Variants in RAVER1 observed in about 807,000 individuals in gnomAD.
RAVER1 encodes ribonucleoprotein PTB-binding 1.
Under a neutral mutation model 68.4 loss-of-function variants are expected in RAVER1, and 36 were observed. The observed-to-expected ratio is 0.53, with a 90% CI of 0.40 to 0.70. RAVER1 has a LOEUF of 0.70. Among genes scored for constraint, RAVER1 ranks in the 30% least tolerant of loss-of-function variants. The probability of loss-of-function intolerance (pLI) is 0.00; values close to 1 mark genes in which losing one functional copy is unlikely to be tolerated. For synonymous variants in RAVER1, 469 were observed against 472.7 expected (o/e 0.99, Z 0.10); for missense variants, 933 against 1,019.8 (o/e 0.91, Z 1.16).
rs771138642 is a variant in RAVER1, at chr19:10,330,550, C to T, written c.220-24G>A. On this transcript the variant is annotated intron_variant, in intron 1 of 12. Coordinates refer to ENST00000617231, the MANE Select transcript of RAVER1 (RefSeq NM_133452.3). ...TCCTGTGGAGATACAAGACAAAAGACAGGGAGTTACTGGAGATGGAAGGGG... is the reference window on the plus strand; with the variant it reads ...TCCTGTGGAGATACAAGACAAAAGATAGGGAGTTACTGGAGATGGAAGGGG... 93 of 1,230,464 alleles carry T rather than the reference C, an allele frequency of 7.6e-5. 1 individual carries two copies. In the East Asian group the frequency reaches 2.1e-3, roughly 28 times the overall value. 76.2% of individuals were successfully genotyped at this position (1,230,464 alleles called of 1,614,324 possible).
chr19:10,320,634 G>C (rs909846262), intron 9 of RAVER1, 21 bp downstream of exon 9: 2 of 1,541,364 alleles, frequency 1.3e-6, no homozygotes, highest in African/African-American at 2.8e-5. Context: ...AGGGGACAGA[G>C]AGCTGCAGCC....
chr19:10,329,404 C>T lies in RAVER1; in HGVS notation c.287-293G>A, dbSNP rs777548810. 6.6e-6 allele frequency among the ~76,000 whole-genome samples: 1 copy of T among 152,250 alleles called. No homozygotes were observed. The highest frequency in any genetic ancestry group is 1.5e-5 in the Non-Finnish European group (1 of 68,042). ...AACGCTGTGGGTCACTCGGGTGATACCAAGGGCAGTGGTTAAGCCCATGCT... is the reference window on the plus strand; with the variant it reads ...AACGCTGTGGGTCACTCGGGTGATATCAAGGGCAGTGGTTAAGCCCATGCT... On this transcript the variant is annotated intron_variant, in intron 2 of 12. Transcript: ENST00000617231. The surrounding 1 kb of genome is among the most constrained non-coding windows in gnomAD (Gnocchi z 4.6).
chr19:10,330,861 C>G (rs1051520734), intron 1 of RAVER1, among the ~76,000 whole-genome samples: 1 of 150,502 alleles, frequency 6.6e-6, no homozygotes, highest in Non-Finnish European at 1.5e-5. Flanking sequence ...GTCAGGAGTT[C>G]GAGACCAGCC....
intron 7 of RAVER1, 65 bp from the exon 8 acceptor site, chr19:10,321,324 G>T: frequency 1.1e-6 from 1 of 888,284 alleles, no homozygotes; most frequent in Non-Finnish European, 1.5e-6. Context: ...GGGCCCTCCA[G>T]CTCCCACCTG....
Position 10,322,364 on chromosome 19 carries a change from G to A in RAVER1, c.1173+281C>T. 2.3e-6 allele frequency: 1 copy of A among 427,548 alleles called. No individual in the cohort carries two copies. The highest frequency in any genetic ancestry group is 4.1e-6 in the Non-Finnish European group (1 of 242,046). The allele number at this position is 427,548 out of a possible 1,614,324, so 26.5% of individuals were successfully genotyped here. On this transcript the variant is annotated intron_variant, in intron 6 of 12. Coordinates refer to ENST00000617231, the MANE Select transcript of RAVER1 (RefSeq NM_133452.3). This position sits in a 1 kb window ranked among gnomAD's most constrained non-coding sequence, Gnocchi z 4.3. ...GCTCCCAGCCCACACCCAGTTTCAG[G>A]CTGTAAATGGGCGTGTCCAGGTCCC... is the stretch of plus-strand genomic sequence containing the variant.
In RAVER1 at chr19:10,316,226, T is replaced by C. The variant is rs2145060375; in HGVS notation, c.*1228A>G. The C allele has an allele frequency of 7.3e-7, 1 of 1,376,804 alleles. No individual in the cohort carries two copies. Among genetic ancestry groups the C allele is most frequent in the African/African-American group, 1.5e-5 (1 of 65,988 alleles). The allele number at this position is 1,376,804 out of a possible 1,614,324, so 85.3% of individuals were successfully genotyped here. ...GCCAACTCTGATTTCTTTAAAACCATTTACTTACAAACTTTAATTCAGCAA... is the reference window on the plus strand; with the variant it reads ...GCCAACTCTGATTTCTTTAAAACCACTTACTTACAAACTTTAATTCAGCAA... On this transcript the variant is annotated 3_prime_UTR_variant, in exon 13 of 13. Transcript: ENST00000617231.
At chr19:10,326,733 C>T (rs571794028) in intron 3 of RAVER1, among the ~76,000 whole-genome samples, 4 of 148,260 alleles carry the variant, frequency 2.7e-5, no homozygotes, top group South Asian at 2.1e-4. Context: ...GCATTACAAG[C>T]GTGAGCCACT....
chr19:10,316,262 G>T lies in RAVER1; in HGVS notation c.*1192C>A. 1 of 1,307,934 alleles carries T rather than the reference G, an allele frequency of 7.6e-7. No homozygotes were observed. 81.0% of individuals were successfully genotyped at this position (1,307,934 alleles called of 1,614,324 possible). A position where few individuals can be genotyped will look rare whatever the true frequency, so the allele number is the denominator to read the frequency against. On this transcript the variant is annotated 3_prime_UTR_variant, in exon 13 of 13. Transcript: ENST00000617231. ...ACTTTAATTCAGCAAAGGTCCGTGT[G>T]GGGAGACTGGGGTGGGGTCGGGGGA... is the stretch of plus-strand genomic sequence containing the variant.
chr19:10,321,349 G>T (rs564362456), intron 7 of RAVER1, 90 bp from the exon 8 acceptor site: 3 of 811,586 alleles, frequency 3.7e-6, no homozygotes, highest in South Asian at 5.6e-5. Flanking sequence ...AGGGCCCAGG[G>T]GTCAAGAGAC....
chr19:10,323,028 G>A lies in RAVER1; in HGVS notation c.1078+117C>T, dbSNP rs575390277. On this transcript the variant is annotated intron_variant, in intron 5 of 12. Coordinates refer to ENST00000617231, the MANE Select transcript of RAVER1 (RefSeq NM_133452.3). This position sits in a 1 kb window ranked among gnomAD's most constrained non-coding sequence, Gnocchi z 6.2. ...CCGCTATGACTCCATACTCCCCCTC[G>A]GCCCTACTCCTGGGGCTCCTGTCAC... The A allele has an allele frequency of 5.8e-5, 51 of 875,472 alleles. No homozygotes were observed. Among genetic ancestry groups the A allele is most frequent in the Non-Finnish European group, 7.9e-5 (46 of 583,114 alleles). 54.2% of individuals were successfully genotyped at this position (875,472 alleles called of 1,614,324 possible).
Position 10,322,656 on chromosome 19 carries a change from G to A in RAVER1, c.1162C>T (p.Gln388Ter). Reference sequence around the variant, plus strand: ...GATGCGTGTGTTACCTTCTGGCCCTGGGTCTGCAGGGCGAGCTGCAACAGC... The same window carrying A: ...GATGCGTGTGTTACCTTCTGGCCCTAGGTCTGCAGGGCGAGCTGCAACAGC... ...TALLQLALQT[Q>*]GQKKPGILGD... The change falls in exon 6 of 13, where the codon CAG becomes TAG. Residue 388 changes from glutamine (Q) to a stop codon, truncating the protein, a stop_gained. Transcript: ENST00000617231. LOFTEE classifies it high-confidence loss of function. The surrounding 1 kb of genome is among the most constrained non-coding windows in gnomAD (Gnocchi z 4.3). 6.5e-7 allele frequency: 1 copy of A among 1,536,550 alleles called. No homozygotes were observed. The highest frequency in any genetic ancestry group is 8.7e-7 in the Non-Finnish European group (1 of 1,150,330).
rs1335376245 is a variant in RAVER1 at position 10,317,590 on chromosome 19, C to T, written c.2084G>A (p.Gly695Asp). ...GHSHLLKTPLGGQKRSFAHLL... is the reference protein window; with the variant it reads ...GHSHLLKTPLDGQKRSFAHLL... ...GTGGGCAAAGCTGCGTTTCTGGCCGCCCAGTGGGGTCTGGAGACAGAGGGC... is the reference window on the plus strand; with the variant it reads ...GTGGGCAAAGCTGCGTTTCTGGCCGTCCAGTGGGGTCTGGAGACAGAGGGC... Residue 695 changes from glycine to aspartate, a missense_variant, in exon 13 of 13, where the codon GGC becomes GAC. Gly to Asp is a moderately conservative substitution (Grantham distance 94). This residue lies in a region of RAVER1 where 699 missense variants were observed against 731.1 expected (regional missense o/e 0.96). Transcript: ENST00000617231. This position sits in a 1 kb window ranked among gnomAD's most constrained non-coding sequence, Gnocchi z 4.3. 6.2e-7 allele frequency: 1 copy of T among 1,609,568 alleles called. No homozygotes were observed. The highest frequency in any genetic ancestry group is 1.3e-5 in the African/African-American group (1 of 74,908).
At position 10,321,583 on chromosome 19, in the gene RAVER1, G is replaced by T; in HGVS notation, c.1209C>A (p.Ala403=). ...PGILGDSPLG[A]LQPGAQPANP... ...TGGCTGGCTGGGCCCCAGGCTGGAGGGCGCCCAGGGGTGAGTCTCCCAGGA... is the reference window on the plus strand; with the variant it reads ...TGGCTGGCTGGGCCCCAGGCTGGAGTGCGCCCAGGGGTGAGTCTCCCAGGA... The change falls in exon 7 of 13, where the codon GCC becomes GCA. Residue 403 remains alanine (A), a synonymous_variant. Transcript: ENST00000617231. The T allele has an allele frequency of 7.2e-7, 1 of 1,387,704 alleles. No homozygotes were observed. The highest frequency in any genetic ancestry group is 9.4e-7 in the Non-Finnish European group (1 of 1,064,240). The allele number at this position is 1,387,704 out of a possible 1,614,324, so 86.0% of individuals were successfully genotyped here. A position where few individuals can be genotyped will look rare whatever the true frequency, so the allele number is the denominator to read the frequency against.
chr19:10,323,426 A>G lies in RAVER1; in HGVS notation c.897T>C (p.Pro299=). 3 of 1,607,902 alleles carry G rather than the reference A, an allele frequency of 1.9e-6. No homozygotes were observed. Among genetic ancestry groups the G allele is most frequent in the Non-Finnish European group, 2.5e-6 (3 of 1,178,170 alleles). Residue 299 remains proline (P), a synonymous_variant, in exon 4 of 13, where the codon CCT becomes CCC. Coordinates refer to ENST00000617231, the MANE Select transcript of RAVER1 (RefSeq NM_133452.3). This position sits in a 1 kb window ranked among gnomAD's most constrained non-coding sequence, Gnocchi z 6.2. ...CCAGCATACTGCGGCCGGGGGGCCC[A>G]GGGGCGCAGAAGGAGACTCGCAGGT... ...GSHLRVSFCA[P]GPPGRSMLAA...
rs187116606 is a variant in RAVER1 at position 10,326,422 on chromosome 19, G to A, written c.756+2220C>T. On this transcript the variant is annotated intron_variant, in intron 3 of 12. Coordinates refer to ENST00000617231, the MANE Select transcript of RAVER1 (RefSeq NM_133452.3). ...ATAAGTAAACAGAGAGGGGGTTCCCGTGGCTCATGGATACTCAGTTTTTGT... is the reference window on the plus strand; with the variant it reads ...ATAAGTAAACAGAGAGGGGGTTCCCATGGCTCATGGATACTCAGTTTTTGT... Among the ~76,000 whole-genome samples, 748 of 152,346 alleles carry A rather than the reference G, an allele frequency of 4.9e-3. 6 individuals carry two copies. The highest frequency in any genetic ancestry group is 0.017 in the African/African-American group (715 of 41,596).
Position 10,329,827 on chromosome 19 carries a change from C to T in RAVER1, c.286+633G>A, listed in dbSNP as rs924257145. ...TCGCTGACCTCCCCTCCCATCTCAC[C>T]GCTGCCACCCGGACCACGCCAGGCA... On this transcript the variant is annotated intron_variant, in intron 2 of 12. Coordinates refer to ENST00000617231, the MANE Select transcript of RAVER1 (RefSeq NM_133452.3). This position sits in a 1 kb window ranked among gnomAD's most constrained non-coding sequence, Gnocchi z 4.6. 6.6e-6 allele frequency among the ~76,000 whole-genome samples: 1 copy of T among 152,028 alleles called. No homozygotes were observed. Among genetic ancestry groups the T allele is most frequent in the East Asian group, 1.9e-4 (1 of 5,168 alleles).
rs2040392665 is a variant in RAVER1, at chr19:10,316,815, G to GGAGGGGGCTGCGGCAGGGACC, written c.*618_*638dup. On this transcript the variant is annotated 3_prime_UTR_variant, in exon 13 of 13. Coordinates refer to ENST00000617231, the MANE Select transcript of RAVER1 (RefSeq NM_133452.3). ...GCCCAGCTTTTAAGGCATCAGAAGG[G>GGAGGGGGCTGCGGCAGGGACC]GAGGGGGCTGCGGCAGGGACCCCGG... is the stretch of plus-strand genomic sequence containing the variant. 6.5e-6 allele frequency: 1 copy of GGAGGGGGCTGCGGCAGGGACC among 154,550 alleles called. No homozygotes were observed. Among genetic ancestry groups the GGAGGGGGCTGCGGCAGGGACC allele is most frequent in the East Asian group, 1.9e-4 (1 of 5,304 alleles). The allele number at this position is 154,550 out of a possible 1,614,324, so 9.6% of individuals were successfully genotyped here.
At chr19:10,325,402 T>G (rs2040467509) in intron 3 of RAVER1, among the ~76,000 whole-genome samples, 1 of 152,050 alleles carries the variant, frequency 6.6e-6, no homozygotes, top group South Asian at 2.1e-4. Context: ...TTTTTTTTTT[T>G]GTATTTTTAA....
At position 10,333,321 on chromosome 19, in the gene RAVER1, T is replaced by G. The variant is rs2040538493; in HGVS notation, c.187A>C (p.Ile63Leu). 2 of 1,613,806 alleles carry G rather than the reference T, an allele frequency of 1.2e-6. No individual in the cohort carries two copies. Among genetic ancestry groups the G allele is most frequent in the East Asian group, 4.5e-5 (2 of 44,880 alleles). Reference sequence around the variant, plus strand: ...GTCACGTCCCCCGGGAGGCCCCGGATCAGTATCTTGCGGCGGTTACGGAAC... The same window carrying G: ...GTCACGTCCCCCGGGAGGCCCCGGAGCAGTATCTTGCGGCGGTTACGGAAC... ...RQFRNRRKIL[I>L]RGLPGDVTNQ... Residue 63 changes from isoleucine to leucine, a missense_variant, in exon 1 of 13, where the codon ATC becomes CTC. Around this residue, in one of 3 missense-constraint regions of RAVER1, gnomAD observed 211 missense variants for 230.0 expected, o/e 0.92. Coordinates refer to ENST00000617231, the MANE Select transcript of RAVER1 (RefSeq NM_133452.3). This position sits in a 1 kb window ranked among gnomAD's most constrained non-coding sequence, Gnocchi z 4.2.
Sources: gnomAD v4.1 joint callset for allele counts (sites outside exome capture counted in the v4.1 genomes callset) on GRCh38, gnomAD v4.1.1 for gene constraint, gnomAD v4.1.1 regional missense constraint, Gnocchi (gnomAD v3.1) non-coding constraint, MANE v1.5 for transcripts, NCBI Gene and HGNC (gene_info 2026-07-23, HGNC 2026-07-21) for gene names.